The following CLYBL variants were observed in gnomAD, a reference collection of about 807,000 sequenced individuals.
CLYBL encodes the protein citramalyl-CoA lyase, mitochondrial.
CLYBL carries 31 observed loss-of-function variants against 38.9 expected under a neutral mutation model. The ratio of observed to expected loss-of-function variants is 0.80; its 90% CI spans 0.60 to 1.08. CLYBL has a LOEUF of 1.08. Ranked by LOEUF, CLYBL falls within the 50% of genes least tolerant of loss-of-function variation. The pLI is 0.00. For synonymous variants in CLYBL, 171 were observed against 158.6 expected, an observed-to-expected ratio of 1.08 and a Z score of -0.59; for missense variants, 434 against 411.6, an observed-to-expected ratio of 1.05 and a Z score of -0.47.
Position 99,872,276 on chromosome 13 carries a change from G to A in CLYBL, c.927+1214G>A, listed in dbSNP as rs117060522. 7.1e-3 allele frequency among the ~76,000 whole-genome samples: 1,087 copies of A among 152,212 alleles called. 10 individuals carry two copies. The highest frequency in any genetic ancestry group is 0.013 in the Non-Finnish European group (901 of 68,012). On this transcript the variant is annotated intron_variant, in intron 7 of 8. Coordinates refer to ENST00000339105, the MANE Select transcript of CLYBL (RefSeq NM_206808.5). The stretch of plus-strand genomic sequence containing the variant: ...ATATTACGTTGGAAATACCCAATTT[G>A]GACTTACACCAATTTCATGATAAAT...
intron 1 of CLYBL, among the ~76,000 whole-genome samples, chr13:99,743,270 A>C (rs1351125132): frequency 6.6e-6 from 1 of 152,176 alleles, no homozygotes; most frequent in African/African-American, 2.4e-5. Context: ...GGCAATTGTA[A>C]CCGCGAATGA....
intron 1 of CLYBL, among the ~76,000 whole-genome samples, chr13:99,719,408 T>C (rs1002800708): frequency 1.3e-4 from 20 of 151,720 alleles, no homozygotes; most frequent in Admixed American, 8.5e-4. Flanking sequence ...TGCCTTGGCC[T>C]CCCAAAGTGC....
chr13:99,859,171 G>C, intron 3 of CLYBL, 122 bp downstream of exon 3: 1 of 668,388 alleles, frequency 1.5e-6, no homozygotes, highest in Non-Finnish European at 2.4e-6. Context: ...AGGGAATTGA[G>C]AAAAAGCAGT....
At position 99,849,021 on chromosome 13, in the gene CLYBL, C is replaced by T. The variant is rs527669179; in HGVS notation, c.250-9840C>T. Among the ~76,000 whole-genome samples, 2 of 152,104 alleles carry T rather than the reference C, an allele frequency of 1.3e-5. No individual in the cohort carries two copies. Among genetic ancestry groups the T allele is most frequent in the African/African-American group, 2.4e-5 (1 of 41,476 alleles). Reference sequence around the variant, plus strand: ...GGGCGTGGTGGCAGTCACATGTAATCCCAGCTACTTGGGAGGCTGAGGCTG... The same window carrying T: ...GGGCGTGGTGGCAGTCACATGTAATTCCAGCTACTTGGGAGGCTGAGGCTG... On this transcript the variant is annotated intron_variant, in intron 2 of 8. Transcript: ENST00000339105. The surrounding 1 kb of genome is among the most constrained non-coding windows in gnomAD (Gnocchi z 4.9).
intron 1 of CLYBL, among the ~76,000 whole-genome samples, chr13:99,739,605 G>A (rs1446528604): frequency 6.6e-6 from 1 of 152,226 alleles, no homozygotes; most frequent in East Asian, 1.9e-4. Context: ...GTCACTGTGA[G>A]TATGGAAATC....
chr13:99,712,148 A>G (rs536585045), intron 1 of CLYBL, among the ~76,000 whole-genome samples: 6 of 152,286 alleles, frequency 3.9e-5, no homozygotes, highest in South Asian at 4.1e-4. Context: ...CATTCTGTCT[A>G]TAGTACCATT....
At chr13:99,703,478 T>G (rs1213357676) in intron 1 of CLYBL, among the ~76,000 whole-genome samples, 1 of 152,202 alleles carries the variant, frequency 6.6e-6, no homozygotes, top group African/African-American at 2.4e-5. Flanking sequence ...CAAGCGATTC[T>G]CCTGCCTCAG....
intron 2 of CLYBL, among the ~76,000 whole-genome samples, chr13:99,790,201 A>C (rs1458392829): frequency 1.3e-5 from 2 of 152,106 alleles, no homozygotes; most frequent in Admixed American, 6.5e-5. Flanking sequence ...ATTTACATTT[A>C]AGGTTAATAT....
chr13:99,875,099 A>G (rs2052003903), intron 7 of CLYBL, among the ~76,000 whole-genome samples: 1 of 152,172 alleles, frequency 6.6e-6, no homozygotes, highest in African/African-American at 2.4e-5. Flanking sequence ...CTCCTTCGTT[A>G]TAGCTTCACA....
chr13:99,831,426 T>C (rs2050800777), intron 2 of CLYBL, among the ~76,000 whole-genome samples: 2 of 152,104 alleles, frequency 1.3e-5, no homozygotes, highest in African/African-American at 4.8e-5. Flanking sequence ...AGGGAGAGCA[T>C]CAGGATAAAT....
chr13:99,735,572 T>C (rs1026728212), intron 1 of CLYBL, among the ~76,000 whole-genome samples: 2 of 152,064 alleles, frequency 1.3e-5, no homozygotes, highest in African/African-American at 4.8e-5. Context: ...TGCAGTGCAG[T>C]GCCCTGAGAA....
At chr13:99,669,247 C>T (rs1304713392) in intron 1 of CLYBL, among the ~76,000 whole-genome samples, 1 of 152,164 alleles carries the variant, frequency 6.6e-6, no homozygotes, top group East Asian at 1.9e-4. Context: ...CATGATCTGC[C>T]CGCCTCAGCC....
chr13:99,816,767 G>A (rs1190532094), intron 2 of CLYBL, among the ~76,000 whole-genome samples: 4 of 152,208 alleles, frequency 2.6e-5, no homozygotes, highest in African/African-American at 9.7e-5. Flanking sequence ...CCAGCCTCCA[G>A]AACTGTGAGA....
rs551189577 is a variant in CLYBL, at chr13:99,749,968, A to G, written c.63-22856A>G. On this transcript the variant is annotated intron_variant, in intron 1 of 8. Transcript: ENST00000339105. Reference sequence around the variant, plus strand: ...ATGCTGGTGTAAATACCTAGTTATTAATAGTCAAAGCGGGTTGAAATTGGT... The same window carrying G: ...ATGCTGGTGTAAATACCTAGTTATTGATAGTCAAAGCGGGTTGAAATTGGT... 2.6e-5 allele frequency among the ~76,000 whole-genome samples: 4 copies of G among 152,238 alleles called. 1 individual carries two copies. In the South Asian group the frequency reaches 8.3e-4, roughly 32 times the overall value.
chr13:99,610,750 C>T (rs1297594175), intron 1 of CLYBL, among the ~76,000 whole-genome samples: 2 of 152,084 alleles, frequency 1.3e-5, no homozygotes, highest in Non-Finnish European at 1.5e-5. Flanking sequence ...TGCGTGGCCT[C>T]CTAGAGTCTC....
intron 1 of CLYBL, among the ~76,000 whole-genome samples, chr13:99,660,515 C>T (rs2047393885): frequency 6.6e-6 from 1 of 152,166 alleles, no homozygotes; most frequent in South Asian, 2.1e-4. Context: ...GTTGCCCCTG[C>T]ATCTACCCAT....
intron 2 of CLYBL, among the ~76,000 whole-genome samples, chr13:99,845,195 C>T (rs1212873692): frequency 6.6e-6 from 1 of 152,136 alleles, no homozygotes; most frequent in Non-Finnish European, 1.5e-5. Context: ...TTCGTTTTGA[C>T]GCACGGTTTA....
chr13:99,897,791 C>CA (rs1382431636), downstream of CLYBL, among the ~76,000 whole-genome samples: 2 of 151,984 alleles, frequency 1.3e-5, no homozygotes, highest in Non-Finnish European at 2.9e-5. Context: ...ACTAAAAATA[C>CA]AAAAAATTAG....
Position 99,876,265 on chromosome 13 carries a change from CA to C in CLYBL, c.927+5209del, listed in dbSNP as rs200439487. Among the ~76,000 whole-genome samples, 932 of 150,848 alleles carry C rather than the reference CA, an allele frequency of 6.2e-3. 8 individuals are homozygous for C. Among genetic ancestry groups the C allele is most frequent in the African/African-American group, 0.022 (891 of 41,110 alleles). ...TAAAACCCCGTCTCTACCAAAAATA[CA>C]AAAAATCAGCTGGGTGTGGTAGCGG... On this transcript the variant is annotated intron_variant, in intron 7 of 8. Coordinates refer to ENST00000339105, the MANE Select transcript of CLYBL (RefSeq NM_206808.5).
Sources: allele counts gnomAD v4.1 joint callset (sites outside exome capture counted in the v4.1 genomes callset), GRCh38; gene constraint gnomAD v4.1.1; non-coding constraint Gnocchi (gnomAD v3.1); transcripts MANE v1.5; gene names NCBI Gene and HGNC (gene_info 2026-07-23, HGNC 2026-07-21).